The following CLEC4A variants were observed in gnomAD, a reference collection of about 807,000 sequenced individuals.
CLEC4A encodes the protein C-type (calcium dependent, carbohydrate-recognition domain) lectin, superfamily member 6.
A neutral mutation model predicts 32.7 loss-of-function variants in CLEC4A; 27 were observed. The ratio of observed to expected loss-of-function variants is 0.83; its 90% CI spans 0.61 to 1.14. CLEC4A has a LOEUF of 1.14. Ranked by LOEUF, CLEC4A falls within the 50% of genes most tolerant of loss-of-function variation. The pLI, the probability that CLEC4A is intolerant of heterozygous loss-of-function variation, is 0.00. For synonymous variants in CLEC4A, 89 were observed against 93.7 expected, an observed-to-expected ratio of 0.95 and a Z score of 0.29; for missense variants, 253 against 274.6, an observed-to-expected ratio of 0.92 and a Z score of 0.55.
At chr12:8,130,115 C>T (rs1462117669) in intron 3 of CLEC4A, among the ~76,000 whole-genome samples, 4 of 152,140 alleles carry the variant, frequency 2.6e-5, no homozygotes, top group African/African-American at 7.2e-5. Flanking sequence ...GGATTATAGG[C>T]GTGAGCCACG....
chr12:8,134,986 G>GTTTTTTTTTTTTTTTT lies in CLEC4A; in HGVS notation c.299-590_299-589insTTTTTTTTTTTTTTTT, dbSNP rs1482435797. ...TCTTGTTGAAGCGTTTTTGTTTTTT[G>GTTTTTTTTTTTTTTTT]TTTTTTTTTAATCATGGCTGCTTTT... On this transcript the variant is annotated intron_variant, in intron 3 of 5. Transcript: ENST00000229332. 122 of 138,788 alleles carry GTTTTTTTTTTTTTTTT rather than the reference G, an allele frequency of 8.8e-4. 7 individuals carry two copies. The highest frequency in any genetic ancestry group is 6.7e-3 in the African/African-American group (108 of 16,170). 8.6% of individuals were successfully genotyped at this position (138,788 alleles called of 1,614,324 possible). A position where few individuals can be genotyped will look rare whatever the true frequency, so the allele number is the denominator to read the frequency against.
At chr12:8,138,063 T>C in intron 5 of CLEC4A, 77 bp from the exon 6 acceptor site, 1 of 1,477,402 alleles carries the variant, frequency 6.8e-7, no homozygotes, top group Non-Finnish European at 9.1e-7. Context: ...AATTCATCCC[T>C]CGCTCCTCAC....
chr12:8,108,243 A>G, the CLEC4A span, among the ~76,000 whole-genome samples: 1 of 152,294 alleles, frequency 6.6e-6, no homozygotes, highest in African/African-American at 2.4e-5. Flanking sequence ...TCAATATGAG[A>G]GAACCAAGTA....
chr12:8,120,276 A>C (rs372849517), upstream of CLEC4A, among the ~76,000 whole-genome samples: 25 of 152,220 alleles, frequency 1.6e-4, no homozygotes, highest in African/African-American at 6.0e-4. Flanking sequence ...CGCCAATCAC[A>C]TGACTGGTCT....
At chr12:8,122,694 G>A (rs138010960), upstream of CLEC4A, among the ~76,000 whole-genome samples, 3 of 152,280 alleles carry the variant, frequency 2.0e-5, no homozygotes, top group East Asian at 3.9e-4. Flanking sequence ...AGTTAGGAAT[G>A]TGGGAAGGGA....
chr12:8,138,097 G>A (rs200860072), intron 5 of CLEC4A, 43 bp from the exon 6 acceptor site: 34 of 1,593,486 alleles, frequency 2.1e-5, no homozygotes, highest in Non-Finnish European at 2.7e-5. Flanking sequence ...CCTTTTCAAA[G>A]CTCTGTTTGA....
rs1235403136 is a variant in CLEC4A at position 8,138,485 on chromosome 12, A to G, written c.*198A>G. The G allele has an allele frequency of 3.4e-6, 2 of 589,510 alleles. No homozygotes were observed. The highest frequency in any genetic ancestry group is 1.9e-5 in the African/African-American group (1 of 52,054). 36.5% of individuals were successfully genotyped at this position (589,510 alleles called of 1,614,324 possible). A position where few individuals can be genotyped will look rare whatever the true frequency, so the allele number is the denominator to read the frequency against. On this transcript the variant is annotated 3_prime_UTR_variant, in exon 6 of 6. Coordinates refer to ENST00000229332, the MANE Select transcript of CLEC4A (RefSeq NM_016184.4). ...GTGAGCATTTATTGAGCATTTTTTCATGTGCCAGAGCCTGTACTGGAGGCC... is the reference window on the plus strand; with the variant it reads ...GTGAGCATTTATTGAGCATTTTTTCGTGTGCCAGAGCCTGTACTGGAGGCC...
chr12:8,129,799 A>G (rs968588768), intron 3 of CLEC4A, among the ~76,000 whole-genome samples: 1 of 152,214 alleles, frequency 6.6e-6, no homozygotes, highest in African/African-American at 2.4e-5. Context: ...AAAAAAACCC[A>G]AAAGACAAAA....
chr12:8,113,759 G>C, the CLEC4A span, among the ~76,000 whole-genome samples: 1 of 152,158 alleles, frequency 6.6e-6, no homozygotes, highest in African/African-American at 2.4e-5. Flanking sequence ...AGTTAAATGG[G>C]GAAGAGGGAA....
At chr12:8,108,651 T>C in the CLEC4A span, among the ~76,000 whole-genome samples, 4 of 152,058 alleles carry the variant, frequency 2.6e-5, no homozygotes, top group Non-Finnish European at 5.9e-5. Flanking sequence ...TATTTCAAAA[T>C]TTTGCTAGAA....
chr12:8,112,557 C>T, the CLEC4A span, among the ~76,000 whole-genome samples: 22 of 151,592 alleles, frequency 1.5e-4, no homozygotes, highest in African/African-American at 4.8e-4. Context: ...TGAGATTGTG[C>T]TCTTTTCATA....
At chr12:8,119,803 A>G (rs913451661), upstream of CLEC4A, among the ~76,000 whole-genome samples, 2 of 152,154 alleles carry the variant, frequency 1.3e-5, no homozygotes, top group African/African-American at 4.8e-5. Context: ...CCTTCATAAG[A>G]CTGCCATTAC....
chr12:8,113,636 T>C, the CLEC4A span, among the ~76,000 whole-genome samples: 2 of 152,312 alleles, frequency 1.3e-5, no homozygotes, highest in Non-Finnish European at 2.9e-5. Context: ...AACCTCAGAA[T>C]AAAGCAGTTG....
At chr12:8,130,327 T>A (rs1565404530) in intron 3 of CLEC4A, among the ~76,000 whole-genome samples, 1 of 152,118 alleles carries the variant, frequency 6.6e-6, no homozygotes, top group Non-Finnish European at 1.5e-5. Context: ...ATGATTTTTT[T>A]ATGGATGTGA....
At chr12:8,128,975 C>G (rs1442340116) in intron 2 of CLEC4A, among the ~76,000 whole-genome samples, 1 of 151,868 alleles carries the variant, frequency 6.6e-6, no homozygotes, top group Non-Finnish European at 1.5e-5. Context: ...GCCCTGCATC[C>G]CCCCACCCCC....
At chr12:8,115,368 A>C in the CLEC4A span, among the ~76,000 whole-genome samples, 1 of 152,158 alleles carries the variant, frequency 6.6e-6, no homozygotes, top group Non-Finnish European at 1.5e-5. Flanking sequence ...AAAATTATGG[A>C]TTTAGTACAT....
the CLEC4A span, among the ~76,000 whole-genome samples, chr12:8,111,923 ATGTGTG>A: frequency 4.9e-3 from 545 of 111,046 alleles, 2 homozygotes; most frequent in African/African-American, 0.015. Flanking sequence ...GAGTGTGTAT[ATGTGTG>A]TGTGTGTGTG....
intron 1 of CLEC4A, 143 bp downstream of exon 1, chr12:8,124,103 G>A: frequency 1.6e-6 from 1 of 638,288 alleles, no homozygotes; most frequent in Non-Finnish European, 2.8e-6. Context: ...AAGATTGAGT[G>A]GCCTGCAGAT....
the CLEC4A span, among the ~76,000 whole-genome samples, chr12:8,117,662 G>A: frequency 3.3e-5 from 5 of 152,072 alleles, no homozygotes; most frequent in African/African-American, 4.8e-5. Context: ...AATACTAGTC[G>A]TGCTTTCTCT....
Sources: gnomAD v4.1 joint callset for allele counts (sites outside exome capture counted in the v4.1 genomes callset) on GRCh38, gnomAD v4.1.1 for gene constraint, MANE v1.5 for transcripts, NCBI Gene and HGNC (gene_info 2026-07-23, HGNC 2026-07-21) for gene names.